ATRN: variants seen among roughly 807,000 people sequenced by gnomAD.
ATRN encodes attractin, also known as attractin-2.
A neutral mutation model predicts 178.7 loss-of-function variants in ATRN; 54 were observed. The observed-to-expected ratio is 0.30, with a 90% CI of 0.24 to 0.38. The LOEUF (loss-of-function observed/expected upper bound fraction) is 0.38, where lower values mean the gene tolerates loss of function less well. Ranked by LOEUF, ATRN falls within the 10% of genes least tolerant of loss-of-function variation. The pLI, the probability that ATRN is intolerant of heterozygous loss-of-function variation, is 1.00. For missense variants in ATRN, 1,443 were observed against 1,815.1 expected, an observed-to-expected ratio of 0.79 and a Z score of 3.73; for synonymous variants, 636 against 663.0, an observed-to-expected ratio of 0.96 and a Z score of 0.63.
intron 2 of ATRN, among the ~76,000 whole-genome samples, chr20:3,536,548 A>G (rs1467810565): frequency 6.6e-6 from 1 of 151,920 alleles, no homozygotes. Flanking sequence ...TGTTCACCAT[A>G]TTAGAACTTA....
chr20:3,596,099 A>G (rs867545190), intron 20 of ATRN, among the ~76,000 whole-genome samples: 2 of 152,374 alleles, frequency 1.3e-5, no homozygotes, highest in Middle Eastern at 3.4e-3. Flanking sequence ...AATGTTTTTC[A>G]TTATAGTAAA....
chr20:3,509,378 T>C (rs143316831), intron 1 of ATRN, among the ~76,000 whole-genome samples: 173 of 152,290 alleles, frequency 1.1e-3, no homozygotes, highest in African/African-American at 3.9e-3. Context: ...GGCAAAATAG[T>C]AACGTTTCAT....
At chr20:3,552,641 T>TGTCAG (rs1169495506) in intron 6 of ATRN, among the ~76,000 whole-genome samples, 1 of 152,224 alleles carries the variant, frequency 6.6e-6, no homozygotes, top group African/African-American at 2.4e-5. Context: ...GTAATCAAGG[T>TGTCAG]GTCAGCTGGC....
At chr20:3,568,135 A>C (rs2086064372) in intron 11 of ATRN, among the ~76,000 whole-genome samples, 1 of 151,624 alleles carries the variant, frequency 6.6e-6, no homozygotes, top group Non-Finnish European at 1.5e-5. Flanking sequence ...CTAAAAGTAC[A>C]AAAAAATTAG....
At chr20:3,512,760 C>A (rs997982820) in intron 1 of ATRN, among the ~76,000 whole-genome samples, 1 of 152,234 alleles carries the variant, frequency 6.6e-6, no homozygotes, top group Non-Finnish European at 1.5e-5. Context: ...CACATCCTCT[C>A]CAGCACCCGT....
At chr20:3,576,810 A>T (rs1039323148) in intron 13 of ATRN, 49 bp from the exon 14 acceptor site, 2 of 1,601,678 alleles carry the variant, frequency 1.2e-6, no homozygotes, top group Non-Finnish European at 1.7e-6. Flanking sequence ...CCTCACCATA[A>T]GTTCTCTCTG....
At chr20:3,489,348 A>G (rs1410716784) in intron 1 of ATRN, among the ~76,000 whole-genome samples, 2 of 152,192 alleles carry the variant, frequency 1.3e-5, no homozygotes, top group Non-Finnish European at 2.9e-5. Flanking sequence ...TTAAAATATA[A>G]AACAGATAAA....
chr20:3,475,988 AAAG>A (rs1265030261), intron 1 of ATRN, among the ~76,000 whole-genome samples: 1 of 152,134 alleles, frequency 6.6e-6, no homozygotes. Flanking sequence ...CTACCAAAAA[AAAG>A]AAAGTTAGCT....
intron 1 of ATRN, among the ~76,000 whole-genome samples, chr20:3,504,867 C>T (rs2085019233): frequency 6.6e-6 from 1 of 151,826 alleles, no homozygotes; most frequent in Non-Finnish European, 1.5e-5. Context: ...GTGAGGTTTC[C>T]ACACTTTGTT....
chr20:3,551,278 G>A (rs1319591706), intron 6 of ATRN, among the ~76,000 whole-genome samples: 1 of 152,160 alleles, frequency 6.6e-6, no homozygotes, highest in Non-Finnish European at 1.5e-5. Context: ...AAACCCCTCA[G>A]TACTGGACGA....
intron 1 of ATRN, among the ~76,000 whole-genome samples, chr20:3,502,669 G>A (rs1177721326): frequency 6.6e-6 from 1 of 152,172 alleles, no homozygotes; most frequent in Non-Finnish European, 1.5e-5. Flanking sequence ...CCTGTCCTGA[G>A]ATGTCCCTTT....
intron 1 of ATRN, among the ~76,000 whole-genome samples, chr20:3,478,662 T>C (rs1371369283): frequency 6.6e-6 from 1 of 152,196 alleles, no homozygotes; most frequent in Non-Finnish European, 1.5e-5. Flanking sequence ...TCTGCACATA[T>C]ATCCCAGAAC....
chr20:3,536,203 A>ATTAT (rs1555813100), intron 2 of ATRN, among the ~76,000 whole-genome samples: 9 of 151,696 alleles, frequency 5.9e-5, no homozygotes, highest in Non-Finnish European at 8.8e-5. Flanking sequence ...AAGTTTATTT[A>ATTAT]TTATTTATTT....
At chr20:3,503,273 A>G (rs948951066) in intron 1 of ATRN, among the ~76,000 whole-genome samples, 7 of 152,242 alleles carry the variant, frequency 4.6e-5, no homozygotes, top group African/African-American at 7.2e-5. Flanking sequence ...ATAGAAGCCT[A>G]TGTTAGAGAC....
chr20:3,557,484 T>TA (rs2085893966), intron 6 of ATRN, among the ~76,000 whole-genome samples: 4 of 152,190 alleles, frequency 2.6e-5, no homozygotes. Context: ...GGCAGGCAGA[T>TA]ATTCTCAAAC....
intron 27 of ATRN, among the ~76,000 whole-genome samples, chr20:3,639,985 C>T (rs554628426): frequency 1.9e-4 from 29 of 152,202 alleles, no homozygotes; most frequent in Admixed American, 1.3e-3. Flanking sequence ...TTAAAGATCA[C>T]CAGGGACAAG....
At chr20:3,588,393 A>T (rs1334303458) in intron 18 of ATRN, among the ~76,000 whole-genome samples, 1 of 152,142 alleles carries the variant, frequency 6.6e-6, no homozygotes, top group African/African-American at 2.4e-5. Flanking sequence ...TTTGTAATGA[A>T]TGAGTGCTAG....
At chr20:3,641,813 A>C (rs998634494) in intron 27 of ATRN, among the ~76,000 whole-genome samples, 1 of 152,162 alleles carries the variant, frequency 6.6e-6, no homozygotes, top group Non-Finnish European at 1.5e-5. Flanking sequence ...TGCCACCAGC[A>C]GACCTGCACA....
chr20:3,616,881 T>C (rs117762360), intron 24 of ATRN, among the ~76,000 whole-genome samples: 5,778 of 152,136 alleles, frequency 0.038, 148 homozygotes, highest in Non-Finnish European at 0.055. Context: ...CAACTTCCTT[T>C]CCTCCTCTGC....
Sources: gnomAD v4.1 joint callset for allele counts (sites outside exome capture counted in the v4.1 genomes callset) on GRCh38, gnomAD v4.1.1 for gene constraint, MANE v1.5 for transcripts, NCBI Gene and HGNC (gene_info 2026-07-23, HGNC 2026-07-21) for gene names.